Variants in SGCZ observed in about 807,000 individuals in gnomAD.
SGCZ encodes zeta-sarcoglycan.
Under a neutral mutation model 41.3 loss-of-function variants are expected in SGCZ, and 40 were observed. The observed-to-expected ratio is 0.97, with a 90% confidence interval of 0.75 to 1.26. The LOEUF is 1.26. SGCZ is among the 50% of genes most tolerant of loss of function. The pLI, the probability that SGCZ is intolerant of heterozygous loss-of-function variation, is 0.00. For missense variants in SGCZ, 552 were observed against 369.8 expected (o/e 1.49, Z -4.04); for synonymous variants, 206 against 137.5 (o/e 1.50, Z -3.49).
intron 5 of SGCZ, among the ~76,000 whole-genome samples, chr8:14,159,793 G>A (rs1054248942): frequency 6.6e-6 from 1 of 152,150 alleles, no homozygotes; most frequent in Admixed American, 6.6e-5. Context: ...GAAAGGTTGA[G>A]TCCAAAGCTG....
At chr8:15,022,712 A>T (rs1420879002) in intron 1 of SGCZ, among the ~76,000 whole-genome samples, 1 of 152,218 alleles carries the variant, frequency 6.6e-6, no homozygotes, top group Non-Finnish European at 1.5e-5. Context: ...TAGCAATGCA[A>T]TTCTATAGAG....
In SGCZ at chr8:15,145,541, A is replaced by C. The variant is rs112831134; in HGVS notation, c.39+92044T>G. Among the ~76,000 whole-genome samples the C allele has an allele frequency of 1.7e-3, 254 of 152,234 alleles. 3 individuals are homozygous for C. The highest frequency in any genetic ancestry group is 5.7e-3 in the African/African-American group (235 of 41,560). ...AAGTGCAGTGGTGCCATCATAGCTC[A>C]CTGCAGCCTGGAACTCCTGGATTTG... On this transcript the variant is annotated intron_variant, in intron 1 of 7. Transcript: ENST00000382080.
At chr8:14,401,679 G>C (rs933560821) in intron 2 of SGCZ, among the ~76,000 whole-genome samples, 2 of 151,670 alleles carry the variant, frequency 1.3e-5, no homozygotes, top group Non-Finnish European at 2.9e-5. Context: ...TCTTGATCCA[G>C]TCTATCATTG....
At chr8:15,067,740 T>C (rs185437037) in intron 1 of SGCZ, among the ~76,000 whole-genome samples, 2 of 152,310 alleles carry the variant, frequency 1.3e-5, no homozygotes, top group East Asian at 3.9e-4. Context: ...TAAATATCTA[T>C]TAGCTGCCTA....
intron 5 of SGCZ, among the ~76,000 whole-genome samples, chr8:14,118,491 C>T (rs968175733): frequency 6.6e-6 from 1 of 151,940 alleles, no homozygotes; most frequent in Non-Finnish European, 1.5e-5. Flanking sequence ...ATTGCAAAAA[C>T]TTTCTCCCAT....
At chr8:14,915,559 C>A (rs1263699142) in intron 1 of SGCZ, among the ~76,000 whole-genome samples, 1 of 152,042 alleles carries the variant, frequency 6.6e-6, no homozygotes, top group East Asian at 1.9e-4. Context: ...TTGTCAGCCA[C>A]GTGTAGAGTA....
intron 1 of SGCZ, among the ~76,000 whole-genome samples, chr8:14,759,901 C>A (rs1327643030): frequency 6.6e-6 from 1 of 152,184 alleles, no homozygotes; most frequent in African/African-American, 2.4e-5. Context: ...CAACAGAACA[C>A]TGCCATTACT....
In SGCZ at chr8:15,093,814, G is replaced by A. The variant is rs149270838; in HGVS notation, c.39+143771C>T. Among the ~76,000 whole-genome samples, 233 of 152,216 alleles carry A rather than the reference G, an allele frequency of 1.5e-3. 1 individual carries two copies. Among genetic ancestry groups the A allele is most frequent in the African/African-American group, 5.2e-3 (214 of 41,526 alleles). On this transcript the variant is annotated intron_variant, in intron 1 of 7. Transcript: ENST00000382080. ...GTTCCAGCAACCCACACAATAATCG[G>A]ACCATTAAACAATCTACAGATGCTC... is the stretch of plus-strand genomic sequence containing the variant.
chr8:14,700,657 A>G (rs758255031), intron 1 of SGCZ, among the ~76,000 whole-genome samples: 1 of 152,026 alleles, frequency 6.6e-6, no homozygotes, highest in Admixed American at 6.6e-5. Flanking sequence ...CTATATTCAT[A>G]TATTTAATAA....
chr8:14,490,298 C>T (rs1025694896), intron 2 of SGCZ, among the ~76,000 whole-genome samples: 5 of 152,156 alleles, frequency 3.3e-5, no homozygotes, highest in African/African-American at 9.7e-5. Flanking sequence ...TCTTGCTCAC[C>T]TAAATTTACC....
chr8:14,635,142 T>C (rs1317922413), intron 1 of SGCZ, among the ~76,000 whole-genome samples: 3 of 151,892 alleles, frequency 2.0e-5, no homozygotes, highest in Non-Finnish European at 4.4e-5. Flanking sequence ...TCATTCAAGC[T>C]ATTCATTCGC....
At chr8:14,285,727 C>T (rs1800597866) in intron 3 of SGCZ, among the ~76,000 whole-genome samples, 1 of 152,030 alleles carries the variant, frequency 6.6e-6, no homozygotes, top group South Asian at 2.1e-4. Flanking sequence ...GTTTCTATGT[C>T]TCCACACTTA....
intron 1 of SGCZ, among the ~76,000 whole-genome samples, chr8:14,660,645 GTC>G (rs1231523399): frequency 6.6e-6 from 1 of 151,342 alleles, no homozygotes; most frequent in Non-Finnish European, 1.5e-5. Context: ...TTCAGGAAAG[GTC>G]TCTGAGGAAA....
rs1209284188 is a variant in SGCZ at position 14,087,464 on chromosome 8, T to C, written c.*2979A>G. 6.6e-6 allele frequency among the ~76,000 whole-genome samples: 1 copy of C among 151,654 alleles called. No individual in the cohort carries two copies. The highest frequency in any genetic ancestry group is 1.9e-4 in the East Asian group (1 of 5,160). Reference sequence around the variant, plus strand: ...TTAAATGCTAGCAAAACTACCAACCTCTTTTTCTTCTTCCGTTTGTTCCTT... The same window carrying C: ...TTAAATGCTAGCAAAACTACCAACCCCTTTTTCTTCTTCCGTTTGTTCCTT... On this transcript the variant is annotated 3_prime_UTR_variant, in exon 8 of 8. Coordinates refer to ENST00000382080, the MANE Select transcript of SGCZ (RefSeq NM_139167.4).
At chr8:15,194,268 C>T (rs1800643503) in intron 1 of SGCZ, among the ~76,000 whole-genome samples, 1 of 151,476 alleles carries the variant, frequency 6.6e-6, no homozygotes, top group African/African-American at 2.4e-5. Flanking sequence ...AGACTGAAGT[C>T]AGCCCTAATA....
intron 2 of SGCZ, among the ~76,000 whole-genome samples, chr8:14,525,146 AG>A (rs1585631207): frequency 1.9e-4 from 2 of 10,410 alleles, no homozygotes; most frequent in East Asian, 7.3e-3. Context: ...ATAGACACAT[AG>A]ATAGATAGAT....
intron 1 of SGCZ, among the ~76,000 whole-genome samples, chr8:14,574,578 C>A (rs755927694): frequency 1.3e-5 from 2 of 152,192 alleles, no homozygotes; most frequent in South Asian, 2.1e-4. Context: ...TCAGCTCAAA[C>A]CCTTTCTCTC....
intron 1 of SGCZ, among the ~76,000 whole-genome samples, chr8:14,862,579 T>TATAC (rs1203706610): frequency 1.7e-4 from 16 of 96,066 alleles, no homozygotes; most frequent in African/African-American, 5.5e-4. Flanking sequence ...TATATATATA[T>TATAC]ATACACACAC....
intron 1 of SGCZ, among the ~76,000 whole-genome samples, chr8:15,178,147 A>C (rs561610473): frequency 1.3e-5 from 2 of 151,938 alleles, no homozygotes; most frequent in African/African-American, 4.8e-5. Context: ...AATTTCTCTA[A>C]AGCACTTTCC....
Sources: allele counts gnomAD v4.1 joint callset (sites outside exome capture counted in the v4.1 genomes callset), GRCh38; gene constraint gnomAD v4.1.1; transcripts MANE v1.5; gene names NCBI Gene and HGNC (gene_info 2026-07-23, HGNC 2026-07-21).